The following PTPRZ1 variants were observed in gnomAD, a reference collection of about 807,000 sequenced individuals.
PTPRZ1 encodes protein tyrosine phosphatase receptor type Z1.
In PTPRZ1, 82 loss-of-function variants were observed where a neutral mutation model predicts 214.1. That is an observed-to-expected ratio of 0.38 (90% CI 0.32 to 0.46). The LOEUF is 0.46. Among genes scored for constraint, PTPRZ1 ranks in the 20% least tolerant of loss-of-function variants. The probability of loss-of-function intolerance (pLI) is 1.00; values close to 1 mark genes in which losing one functional copy is unlikely to be tolerated. For synonymous variants in PTPRZ1, 945 were observed against 987.9 expected (o/e 0.96, Z 0.81); for missense variants, 2,603 against 2,748.7 (o/e 0.95, Z 1.19).
chr7:122,051,372 T>G, intron 23 of PTPRZ1, 56 bp from the exon 24 acceptor site: 1 of 1,179,978 alleles, frequency 8.5e-7, no homozygotes. Context: ...TGTGTGTGTG[T>G]GTATTTGGGG....
Position 121,967,960 on chromosome 7 carries a change from A to G in PTPRZ1, c.134A>G (p.Asn45Ser). Reference protein sequence around the residue: ...EIGWSYTGALNQKNWGKKYPT... With the variant: ...EIGWSYTGALSQKNWGKKYPT... ...TCCTTCTTTTCCCTAGGAGCACTGA[A>G]TCAAAAAAATTGGGGAAAGAAATAT... Residue 45 changes from asparagine (N) to serine (S), a missense_variant, in exon 3 of 30, where the codon AAT becomes AGT. Transcript: ENST00000393386. 3 of 1,572,556 alleles carry G rather than the reference A, an allele frequency of 1.9e-6. No homozygotes were observed. Among genetic ancestry groups the G allele is most frequent in the East Asian group, 2.3e-5 (1 of 44,202 alleles).
chr7:122,045,751 G>C (rs1799876633), intron 23 of PTPRZ1, among the ~76,000 whole-genome samples: 1 of 150,354 alleles, frequency 6.7e-6, no homozygotes, highest in Admixed American at 6.6e-5. Context: ...ATTTAAATAT[G>C]ATTTGCCCCT....
chr7:121,976,322 A>G (rs562477160), intron 5 of PTPRZ1, 54 bp downstream of exon 5: 1 of 1,098,980 alleles, frequency 9.1e-7, no homozygotes. Context: ...CACATTAAAT[A>G]TTGACGTGAA....
chr7:121,972,638 T>C lies in PTPRZ1; in HGVS notation c.402T>C (p.Asn134=), dbSNP rs373714392. 8.1e-6 allele frequency: 13 copies of C among 1,613,492 alleles called. No homozygotes were observed. Among genetic ancestry groups the C allele is most frequent in the Non-Finnish European group, 1.1e-5 (13 of 1,179,766 alleles). Reference sequence around the variant, plus strand: ...TAACTTTTCACTGGGGAAAATGCAATATGTCATCTGATGGATCAGAGCATA... The same window carrying C: ...TAACTTTTCACTGGGGAAAATGCAACATGTCATCTGATGGATCAGAGCATA... ...SKITFHWGKC[N]MSSDGSEHSL... is the part of the protein sequence containing the mutation. The change falls in exon 4 of 30, where the codon AAT becomes AAC. Residue 134 remains asparagine, a synonymous_variant. Coordinates refer to ENST00000393386, the MANE Select transcript of PTPRZ1 (RefSeq NM_002851.3).
At chr7:122,038,660 G>A (rs371306391) in intron 18 of PTPRZ1, 95 bp from the exon 19 acceptor site, 35 of 1,228,146 alleles carry the variant, frequency 2.8e-5, no homozygotes, top group South Asian at 1.1e-4. Flanking sequence ...TTTCTTTTAC[G>A]AAAAATTATG....
chr7:121,919,699 GAA>G (rs1269630589), intron 1 of PTPRZ1, among the ~76,000 whole-genome samples: 3 of 151,852 alleles, frequency 2.0e-5, no homozygotes, highest in Non-Finnish European at 4.4e-5. Context: ...CCCAACCTTT[GAA>G]CCTTCATACT....
chr7:121,909,376 G>T (rs866717077), intron 1 of PTPRZ1, among the ~76,000 whole-genome samples: 8 of 150,612 alleles, frequency 5.3e-5, no homozygotes, highest in Middle Eastern at 6.9e-3. Context: ...CAACTGGAAC[G>T]AGTTCCAGTC....
intron 2 of PTPRZ1, chr7:121,966,984 G>T (rs1174100930): frequency 6.6e-6 from 1 of 152,072 alleles, no homozygotes; most frequent in Non-Finnish European, 1.5e-5. Context: ...CCTTGTGATG[G>T]CCATGGAAAT....
intron 10 of PTPRZ1, 110 bp downstream of exon 10, chr7:121,998,116 A>T: frequency 7.9e-7 from 1 of 1,266,318 alleles, no homozygotes; most frequent in Non-Finnish European, 1.1e-6. Flanking sequence ...AGGCAAAGTG[A>T]TTTTCTCTTA....
intron 2 of PTPRZ1, among the ~76,000 whole-genome samples, chr7:121,936,614 A>C (rs576234974): frequency 6.6e-6 from 1 of 151,924 alleles, no homozygotes; most frequent in Non-Finnish European, 1.5e-5. Flanking sequence ...TAAAGTAGAA[A>C]CACATCGAGG....
intron 9 of PTPRZ1, 95 bp from the exon 10 acceptor site, chr7:121,997,785 G>T: frequency 9.9e-7 from 1 of 1,009,080 alleles, no homozygotes. Context: ...TATTTTCCAC[G>T]GACCAGGGAG....
Position 122,044,513 on chromosome 7 carries a change from A to G in PTPRZ1, c.6029A>G (p.Asn2010Ser). 6.2e-7 allele frequency: 1 copy of G among 1,613,924 alleles called. No homozygotes were observed. ...VLDSHIHAYV[N>S]ALLIPGPAGK... ...GACAGTCATATTCATGCCTATGTTAATGCACTCCTCATTCCTGGACCAGCA... is the reference window on the plus strand; with the variant it reads ...GACAGTCATATTCATGCCTATGTTAGTGCACTCCTCATTCCTGGACCAGCA... The change falls in exon 23 of 30, where the codon AAT (asparagine) becomes AGT (serine). Residue 2010 changes from asparagine to serine, a missense_variant. Asn to Ser is a conservative substitution (Grantham distance 46). Coordinates refer to ENST00000393386, the MANE Select transcript of PTPRZ1 (RefSeq NM_002851.3).
rs534926047 is a variant in PTPRZ1, at chr7:121,939,616, A to T, written c.124+11395A>T. On this transcript the variant is annotated intron_variant, in intron 2 of 29. Transcript: ENST00000393386. Reference sequence around the variant, plus strand: ...TAGAATATGAAGGAGTAAACTTCTCATCAACTCCCTAGCTTGCCTTCTACC... The same window carrying T: ...TAGAATATGAAGGAGTAAACTTCTCTTCAACTCCCTAGCTTGCCTTCTACC... 2.4e-3 allele frequency among the ~76,000 whole-genome samples: 366 copies of T among 152,354 alleles called. 1 individual carries two copies. The highest frequency in any genetic ancestry group is 0.011 in the South Asian group (52 of 4,830).
chr7:121,998,087 C>A, intron 10 of PTPRZ1, 81 bp downstream of exon 10: 6 of 1,442,834 alleles, frequency 4.2e-6, no homozygotes, highest in Non-Finnish European at 4.7e-6. Context: ...TGCTTTCTCT[C>A]TATATTCTTT....
intron 1 of PTPRZ1, among the ~76,000 whole-genome samples, chr7:121,900,527 G>A (rs990439544): frequency 6.6e-6 from 1 of 152,176 alleles, no homozygotes; most frequent in African/African-American, 2.4e-5. Context: ...CACATGATAT[G>A]TAAATGATGT....
chr7:121,877,246 A>G (rs571873926), intron 1 of PTPRZ1, among the ~76,000 whole-genome samples: 2 of 152,284 alleles, frequency 1.3e-5, no homozygotes, highest in East Asian at 1.9e-4. Context: ...TAAGTTGCCT[A>G]ACATCACAAA....
chr7:122,046,818 A>G (rs73440958), intron 23 of PTPRZ1, among the ~76,000 whole-genome samples: 1 of 152,184 alleles, frequency 6.6e-6, no homozygotes, highest in African/African-American at 2.4e-5. Context: ...GTTCTGAAGC[A>G]TAAGAGAGGT....
intron 20 of PTPRZ1, among the ~76,000 whole-genome samples, chr7:122,040,012 C>A (rs1441197733): frequency 1.3e-5 from 2 of 151,660 alleles, no homozygotes; most frequent in Admixed American, 1.3e-4. Context: ...AAAAAGAATT[C>A]TTATCACAGC....
rs114663681 is a variant in PTPRZ1 at position 121,919,686 on chromosome 7, G to A, written c.59-8470G>A. On this transcript the variant is annotated intron_variant, in intron 1 of 29. Transcript: ENST00000393386. Reference sequence around the variant, plus strand: ...CAATTTAATTTTTTTCACAAATAGTGTTCCCAACCTTTGAACCTTCATACT... The same window carrying A: ...CAATTTAATTTTTTTCACAAATAGTATTCCCAACCTTTGAACCTTCATACT... 5.7e-3 allele frequency among the ~76,000 whole-genome samples: 871 copies of A among 151,940 alleles called. 10 individuals are homozygous for A. The highest frequency in any genetic ancestry group is 0.019 in the African/African-American group (808 of 41,466).
Sources: gnomAD v4.1 joint callset for allele counts (sites outside exome capture counted in the v4.1 genomes callset) on GRCh38, gnomAD v4.1.1 for gene constraint, MANE v1.5 for transcripts, NCBI Gene and HGNC (gene_info 2026-07-23, HGNC 2026-07-21) for gene names.